The following PTCHD4 variants were observed in gnomAD, a reference collection of about 807,000 sequenced individuals.
The protein encoded by PTCHD4 is patched domain containing 4.
In PTCHD4, 33 loss-of-function variants were observed where a neutral mutation model predicts 58.1. The ratio of observed to expected loss-of-function variants is 0.57; its 90% CI spans 0.43 to 0.76. The LOEUF (loss-of-function observed/expected upper bound fraction) is 0.76, where lower values mean the gene tolerates loss of function less well. Among genes scored for constraint, PTCHD4 ranks in the 30% least tolerant of loss-of-function variants. The pLI, the probability that PTCHD4 is intolerant of heterozygous loss-of-function variation, is 0.00. For missense variants in PTCHD4, 1,058 were observed against 1,027.1 expected (o/e 1.03, Z -0.41); for synonymous variants, 478 against 409.6 (o/e 1.17, Z -2.02).
At chr6:47,881,174 A>C (rs1353478136) in intron 4 of PTCHD4, among the ~76,000 whole-genome samples, 1 of 152,200 alleles carries the variant, frequency 6.6e-6, no homozygotes, top group Non-Finnish European at 1.5e-5. Context: ...TGTGGCACTT[A>C]GATATTGGAG....
chr6:47,906,623 C>A (rs1764896520), intron 4 of PTCHD4, among the ~76,000 whole-genome samples: 1 of 152,132 alleles, frequency 6.6e-6, no homozygotes, highest in Non-Finnish European at 1.5e-5. Flanking sequence ...TGCCCAAAAC[C>A]CAATTTCTTC....
chr6:48,045,146 T>C (rs541431486), intron 3 of PTCHD4, among the ~76,000 whole-genome samples: 2 of 151,946 alleles, frequency 1.3e-5, no homozygotes, highest in African/African-American at 4.8e-5. Context: ...CTCAAGATTT[T>C]ACCCCTCTGG....
In PTCHD4 at chr6:48,013,366, T is replaced by C. The variant is rs1029030111; in HGVS notation, c.418-4252A>G. On this transcript the variant is annotated intron_variant, in intron 3 of 4. Coordinates refer to ENST00000339488, the MANE Select transcript of PTCHD4 (RefSeq NM_001384253.1). ...TCTAAAGGAACAATCCAATAAGAAT[T>C]TCAGTTGAGTTTTTTTTTTTTTTCT... Among the ~76,000 whole-genome samples, 115 of 118,094 alleles carry C rather than the reference T, an allele frequency of 9.7e-4. 1 individual carries two copies. The highest frequency in any genetic ancestry group is 3.6e-3 in the African/African-American group (113 of 31,814). 77.5% of individuals were successfully genotyped at this position (118,094 alleles called of 152,430 possible). A position where few individuals can be genotyped will look rare whatever the true frequency, so the allele number is the denominator to read the frequency against.
chr6:48,015,639 C>T (rs1762841439), intron 3 of PTCHD4, among the ~76,000 whole-genome samples: 2 of 151,944 alleles, frequency 1.3e-5, no homozygotes, highest in South Asian at 4.1e-4. Flanking sequence ...CCCACAAGAC[C>T]TAAACCAGCC....
chr6:47,896,101 C>A (rs1324778404), intron 4 of PTCHD4, among the ~76,000 whole-genome samples: 1 of 152,128 alleles, frequency 6.6e-6, no homozygotes, highest in Admixed American at 6.5e-5. Flanking sequence ...TAGATGATAA[C>A]CCCTGTGATC....
chr6:47,879,138 C>G lies in PTCHD4; in HGVS notation c.1697G>C (p.Ser566Thr), dbSNP rs747090200. 3 of 1,612,126 alleles carry G rather than the reference C, an allele frequency of 1.9e-6. No individual in the cohort carries two copies. The highest frequency in any genetic ancestry group is 2.5e-6 in the Non-Finnish European group (3 of 1,179,690). The change falls in exon 5 of 5, where the codon AGT becomes ACT. Residue 566 changes from serine to threonine, a missense_variant. Coordinates refer to ENST00000339488, the MANE Select transcript of PTCHD4 (RefSeq NM_001384253.1). ...GCTTTGCAGGACACTGATGAAGTCACTTTTGTTATTGGCACTGACGTTGCT... is the reference window on the plus strand; with the variant it reads ...GCTTTGCAGGACACTGATGAAGTCAGTTTTGTTATTGGCACTGACGTTGCT... ...KVSNVSANNK[S>T]DFISVLQSSF...
chr6:47,956,469 T>C (rs1766865474), intron 4 of PTCHD4, among the ~76,000 whole-genome samples: 1 of 152,024 alleles, frequency 6.6e-6, no homozygotes, highest in Admixed American at 6.6e-5. Context: ...AGTCTAGCTA[T>C]GTCATCCAGG....
intron 4 of PTCHD4, among the ~76,000 whole-genome samples, chr6:47,882,741 G>GAGATATATAT (rs143060584): frequency 0.014 from 1,396 of 102,436 alleles, 68 homozygotes; most frequent in African/African-American, 0.024. Context: ...TGATTCCAGT[G>GAGATATATAT]ATATATATAT....
chr6:48,080,384 G>T (rs906375460), intron 1 of PTCHD4, among the ~76,000 whole-genome samples: 3 of 152,168 alleles, frequency 2.0e-5, no homozygotes, highest in Non-Finnish European at 4.4e-5. Flanking sequence ...GTTGACATAG[G>T]CAAAATCAAT....
chr6:47,890,345 A>C (rs1456761326), intron 4 of PTCHD4, among the ~76,000 whole-genome samples: 1 of 152,112 alleles, frequency 6.6e-6, no homozygotes, highest in African/African-American at 2.4e-5. Flanking sequence ...AAACTTGGTA[A>C]TTAACACGAT....
At chr6:48,012,316 T>A (rs753819635) in intron 3 of PTCHD4, among the ~76,000 whole-genome samples, 7 of 152,202 alleles carry the variant, frequency 4.6e-5, no homozygotes, top group Non-Finnish European at 8.8e-5. Context: ...CCTAGGTATT[T>A]TATTCTTTTT....
intron 4 of PTCHD4, among the ~76,000 whole-genome samples, chr6:47,935,951 A>G (rs1047881477): frequency 6.6e-6 from 1 of 152,228 alleles, no homozygotes; most frequent in Admixed American, 6.5e-5. Flanking sequence ...ACATAGGGTG[A>G]TAAGGTGACA....
chr6:48,098,951 T>G (rs1223910321), intron 1 of PTCHD4, among the ~76,000 whole-genome samples: 1 of 152,204 alleles, frequency 6.6e-6, no homozygotes, highest in Non-Finnish European at 1.5e-5. Flanking sequence ...AATTTTTTTT[T>G]GAAGACTTAA....
intron 4 of PTCHD4, among the ~76,000 whole-genome samples, chr6:47,950,126 C>T (rs571877080): frequency 1.3e-4 from 19 of 149,226 alleles, no homozygotes; most frequent in South Asian, 1.1e-3. Context: ...TGAGAACATG[C>T]GGTGTTTGGT....
intron 3 of PTCHD4, among the ~76,000 whole-genome samples, chr6:48,011,076 TC>T (rs1762652696): frequency 6.6e-6 from 1 of 152,228 alleles, no homozygotes; most frequent in Non-Finnish European, 1.5e-5. Context: ...TGATTTATAA[TC>T]CTTTGGTTAT....
chr6:48,042,101 A>G (rs953742382), intron 3 of PTCHD4, among the ~76,000 whole-genome samples: 1 of 152,006 alleles, frequency 6.6e-6, no homozygotes, highest in Non-Finnish European at 1.5e-5. Flanking sequence ...AGATATTACA[A>G]AAGGCCAATG....
intron 3 of PTCHD4, among the ~76,000 whole-genome samples, chr6:48,033,938 A>G (rs149082994): frequency 6.6e-6 from 1 of 152,110 alleles, no homozygotes; most frequent in Non-Finnish European, 1.5e-5. Context: ...ATATTAATTC[A>G]GGAGGGAATT....
chr6:47,918,485 T>G (rs913699996), intron 4 of PTCHD4, among the ~76,000 whole-genome samples: 1 of 152,018 alleles, frequency 6.6e-6, no homozygotes, highest in Admixed American at 6.6e-5. Context: ...GAGATTGCTC[T>G]ATGCCATTTT....
chr6:47,886,441 A>C (rs1764197340), intron 4 of PTCHD4, among the ~76,000 whole-genome samples: 1 of 152,158 alleles, frequency 6.6e-6, no homozygotes. Flanking sequence ...TAATCAAGAT[A>C]TGAAAGCTTG....
Sources: allele counts gnomAD v4.1 joint callset (sites outside exome capture counted in the v4.1 genomes callset), GRCh38; gene constraint gnomAD v4.1.1; transcripts MANE v1.5; gene names NCBI Gene and HGNC (gene_info 2026-07-23, HGNC 2026-07-21).